The following FAM3B variants were observed in gnomAD, a reference collection of about 807,000 sequenced individuals.
FAM3B encodes protein FAM3B.
Under a neutral mutation model 28.4 loss-of-function variants are expected in FAM3B, and 29 were observed. The ratio of observed to expected loss-of-function variants is 1.02; its 90% CI spans 0.76 to 1.39. The LOEUF (loss-of-function observed/expected upper bound fraction) is 1.39. Among genes scored for constraint, FAM3B ranks in the 40% most tolerant of loss-of-function variants. The probability of loss-of-function intolerance (pLI) is 0.00; values close to 1 mark genes in which losing one functional copy is unlikely to be tolerated. For missense variants in FAM3B, 266 were observed against 293.9 expected (o/e 0.91, Z 0.69); for synonymous variants, 91 against 103.0 (o/e 0.88, Z 0.71).
At chr21:41,316,743 C>T (rs2088752077), upstream of FAM3B, 11 of 803,084 alleles carry the variant, frequency 1.4e-5, no homozygotes, top group South Asian at 3.0e-4. Context: ...ATTTGCCCGA[C>T]TGGCCGCGCA....
intron 2 of FAM3B, among the ~76,000 whole-genome samples, chr21:41,327,056 A>G (rs1240411416): frequency 6.6e-6 from 1 of 152,228 alleles, no homozygotes; most frequent in Non-Finnish European, 1.5e-5. Context: ...GGTGGGAGGA[A>G]GGCCCGGGTG....
intron 2 of FAM3B, among the ~76,000 whole-genome samples, chr21:41,333,765 G>T (rs182391993): frequency 1.3e-5 from 2 of 152,304 alleles, no homozygotes; most frequent in Non-Finnish European, 2.9e-5. Flanking sequence ...AACAGGCAGA[G>T]GTTGGAGAGT....
At chr21:41,327,020 C>G (rs1231746427) in intron 2 of FAM3B, among the ~76,000 whole-genome samples, 4 of 152,192 alleles carry the variant, frequency 2.6e-5, no homozygotes, top group Non-Finnish European at 5.9e-5. Flanking sequence ...CCACGGAAAG[C>G]CAGAAAACAA....
rs937264148 is a variant in FAM3B, at chr21:41,316,917, C to A, written c.19+19C>A. 3 of 1,352,508 alleles carry A rather than the reference C, an allele frequency of 2.2e-6. No homozygotes were observed. The highest frequency in any genetic ancestry group is 9.5e-7 in the Non-Finnish European group (1 of 1,050,842). The allele number at this position is 1,352,508 out of a possible 1,614,324, so 83.8% of individuals were successfully genotyped here. A position where few individuals can be genotyped will look rare whatever the true frequency, so the allele number is the denominator to read the frequency against. On this transcript the variant is annotated intron_variant, in intron 1 of 7. Coordinates refer to ENST00000357985, the MANE Select transcript of FAM3B (RefSeq NM_058186.4). The stretch of plus-strand genomic sequence containing the variant: ...GCTGGTGGTGAGTGCGCCCCCGCCT[C>A]GGGGCGAGGGTAGGGGCGGGGAAGG...
chr21:41,305,614 G>C (rs1002070361), intron 1 of FAM3B, among the ~76,000 whole-genome samples: 2 of 152,134 alleles, frequency 1.3e-5, no homozygotes, highest in African/African-American at 4.8e-5. Context: ...CAAACATTCT[G>C]GTTTCCCAAT....
chr21:41,339,759 A>G (rs1012280196), intron 3 of FAM3B, among the ~76,000 whole-genome samples: 2 of 152,230 alleles, frequency 1.3e-5, no homozygotes, highest in African/African-American at 4.8e-5. Context: ...GGTTATAAAG[A>G]GTCAGATGTC....
intron 7 of FAM3B, among the ~76,000 whole-genome samples, chr21:41,353,058 GTATT>G (rs892430952): frequency 3.3e-5 from 5 of 152,154 alleles, no homozygotes; most frequent in African/African-American, 1.2e-4. Flanking sequence ...GAAAGCAATT[GTATT>G]TATAACAGTA....
chr21:41,311,254 ATATAT>A (rs2088711406), intron 1 of FAM3B, among the ~76,000 whole-genome samples: 95 of 28,202 alleles, frequency 3.4e-3, no homozygotes, highest in African/African-American at 0.01. Flanking sequence ...AAAAAAAAAT[ATATAT>A]ATATATATAT....
chr21:41,321,510 C>A (rs559038307), intron 1 of FAM3B, among the ~76,000 whole-genome samples: 1 of 152,324 alleles, frequency 6.6e-6, no homozygotes, highest in South Asian at 2.1e-4. Context: ...ACCTTCCAGT[C>A]CTGAAAACTG....
At chr21:41,328,817 G>A (rs1964281170) in intron 2 of FAM3B, among the ~76,000 whole-genome samples, 1 of 152,142 alleles carries the variant, frequency 6.6e-6, no homozygotes, top group South Asian at 2.1e-4. Context: ...TGCAGGGTTG[G>A]TGTGAGCACT....
intron 2 of FAM3B, among the ~76,000 whole-genome samples, chr21:41,328,353 G>A (rs1458436924): frequency 6.6e-6 from 1 of 152,122 alleles, no homozygotes; most frequent in South Asian, 2.1e-4. Flanking sequence ...GAATACCTAG[G>A]TAATGAGTAT....
At chr21:41,325,324 C>T (rs2088846464) in intron 2 of FAM3B, among the ~76,000 whole-genome samples, 1 of 152,148 alleles carries the variant, frequency 6.6e-6, no homozygotes, top group South Asian at 2.1e-4. Flanking sequence ...TTTTAATCTC[C>T]TATAGAACAA....
At chr21:41,329,527 C>G (rs2088885866) in intron 2 of FAM3B, among the ~76,000 whole-genome samples, 1 of 151,882 alleles carries the variant, frequency 6.6e-6, no homozygotes, top group Non-Finnish European at 1.5e-5. Flanking sequence ...GTGCTGGCAA[C>G]TTGGATACGC....
chr21:41,334,098 C>T (rs936645687), intron 2 of FAM3B, among the ~76,000 whole-genome samples: 5 of 152,146 alleles, frequency 3.3e-5, no homozygotes, highest in East Asian at 3.9e-4. Context: ...TAATAACCTG[C>T]GCTTATAAGT....
upstream of FAM3B, among the ~76,000 whole-genome samples, chr21:41,315,642 G>T (rs1346436712): frequency 1.3e-5 from 2 of 152,152 alleles, no homozygotes; most frequent in African/African-American, 4.8e-5. Flanking sequence ...CCCAACGCTG[G>T]CATGATTCTT....
intron 2 of FAM3B, among the ~76,000 whole-genome samples, chr21:41,331,680 A>G (rs77184860): frequency 0.017 from 2,658 of 152,286 alleles, 88 homozygotes; most frequent in African/African-American, 0.061. Flanking sequence ...AATACCATTT[A>G]TTGAAGAGAC....
intron 7 of FAM3B, among the ~76,000 whole-genome samples, chr21:41,350,006 G>A (rs2089102394): frequency 6.6e-6 from 1 of 152,186 alleles, no homozygotes. Context: ...TAACCGAGAG[G>A]CACTCCCTGA....
chr21:41,353,227 ACTTT>A (rs1267276707), intron 7 of FAM3B, among the ~76,000 whole-genome samples: 1 of 152,236 alleles, frequency 6.6e-6, no homozygotes. Context: ...AGATGTCAAT[ACTTT>A]CTTAATTGAT....
Position 41,311,252 on chromosome 21 carries a change from ATATATATATATATATATAT to A in FAM3B, n.99+6943_99+6961del, listed in dbSNP as rs1375112425. 2.3e-3 allele frequency among the ~76,000 whole-genome samples: 50 copies of A among 21,544 alleles called. 2 individuals are homozygous for A. The highest frequency in any genetic ancestry group is 6.9e-3 in the East Asian group (2 of 288). The allele number at this position is 21,544 out of a possible 152,430, so 14.1% of individuals were successfully genotyped here. ...CTGTCTCTACAAAAAAAAAAAAAAA[ATATATATATATATATATAT>A]ATATATATATATATATATATATATA... is the stretch of plus-strand genomic sequence containing the variant. On this transcript the variant is annotated intron_variant and non_coding_transcript_variant, in intron 1 of 9. Coordinates refer to the FAM3B transcript ENST00000479810.
Sources: allele counts gnomAD v4.1 joint callset (sites outside exome capture counted in the v4.1 genomes callset), GRCh38; gene constraint gnomAD v4.1.1; transcripts MANE v1.5; gene names NCBI Gene and HGNC (gene_info 2026-07-23, HGNC 2026-07-21).